The following TANC2 variants were observed in gnomAD, a reference collection of about 807,000 sequenced individuals.
TANC2 encodes tetratricopeptide repeat, ankyrin repeat and coiled-coil containing 2, also known as protein TANC2.
In TANC2, 26 loss-of-function variants were observed where a neutral mutation model predicts 210.5. The ratio of observed to expected loss-of-function variants is 0.12; its 90% CI spans 0.09 to 0.17. TANC2 has a LOEUF of 0.17. Ranked by LOEUF, TANC2 falls within the 10% of genes least tolerant of loss-of-function variation. The probability of loss-of-function intolerance (pLI) is 1.00; values close to 1 mark genes in which losing one functional copy is unlikely to be tolerated. For missense variants in TANC2, 2,129 were observed against 2,608.9 expected (o/e 0.82, Z 4.01); for synonymous variants, 931 against 967.1 (o/e 0.96, Z 0.69).
chr17:63,165,040 G>A (rs962392695), intron 5 of TANC2, among the ~76,000 whole-genome samples: 1 of 152,154 alleles, frequency 6.6e-6, no homozygotes, highest in Non-Finnish European at 1.5e-5. Context: ...CCAACACTTT[G>A]AGAGGCTGAG....
intron 3 of TANC2, among the ~76,000 whole-genome samples, chr17:63,080,589 A>G (rs1196028900): frequency 1.3e-5 from 2 of 152,244 alleles, no homozygotes; most frequent in Non-Finnish European, 2.9e-5. Flanking sequence ...TAGAACTAGT[A>G]TATTAAATTG....
At chr17:63,209,238 C>A (rs1178547772) in intron 7 of TANC2, among the ~76,000 whole-genome samples, 1 of 151,870 alleles carries the variant, frequency 6.6e-6, no homozygotes, top group Non-Finnish European at 1.5e-5. Context: ...GTCTTGAACT[C>A]CTGGGCTCAA....
At chr17:63,192,036 C>G (rs916179085) in intron 5 of TANC2, among the ~76,000 whole-genome samples, 2 of 152,142 alleles carry the variant, frequency 1.3e-5, no homozygotes, top group African/African-American at 4.8e-5. Flanking sequence ...AATTCATCTA[C>G]TAGGCCTTTC....
chr17:63,322,520 T>C (rs936568493), intron 11 of TANC2, among the ~76,000 whole-genome samples: 14 of 152,102 alleles, frequency 9.2e-5, no homozygotes, highest in African/African-American at 3.4e-4. Context: ...CAGACTAATA[T>C]CTATCTTAGA....
chr17:63,006,648 T>C (rs2033636116), intron 1 of TANC2, among the ~76,000 whole-genome samples: 1 of 152,210 alleles, frequency 6.6e-6, no homozygotes, highest in Non-Finnish European at 1.5e-5. Context: ...CAAAATTTAC[T>C]GATACTTTAT....
At chr17:63,137,804 T>C (rs2039142768) in intron 4 of TANC2, among the ~76,000 whole-genome samples, 1 of 152,150 alleles carries the variant, frequency 6.6e-6, no homozygotes, top group Non-Finnish European at 1.5e-5. Context: ...TAAATAAATT[T>C]AGGTTGATCT....
At chr17:62,996,994 T>TTTTTTTTTTTTTTGAG (rs2033144497) in intron 1 of TANC2, among the ~76,000 whole-genome samples, 1 of 143,656 alleles carries the variant, frequency 7.0e-6, no homozygotes, top group African/African-American at 2.7e-5. Flanking sequence ...TTTGTATTTT[T>TTTTTTTTTTTTTTGAG]AGTATAGATG....
intron 9 of TANC2, among the ~76,000 whole-genome samples, chr17:63,296,449 C>A (rs542294879): frequency 6.6e-6 from 1 of 152,276 alleles, no homozygotes; most frequent in East Asian, 1.9e-4. Flanking sequence ...GAGGCAGAAT[C>A]TGATATCCAG....
intron 2 of TANC2, among the ~76,000 whole-genome samples, chr17:63,010,517 G>A (rs530844856): frequency 6.7e-6 from 1 of 149,610 alleles, no homozygotes; most frequent in South Asian, 2.1e-4. Context: ...GACACCAACT[G>A]TATGTCCTAC....
intron 9 of TANC2, among the ~76,000 whole-genome samples, chr17:63,287,228 C>T (rs542935410): frequency 7.9e-5 from 12 of 152,218 alleles, no homozygotes; most frequent in South Asian, 6.2e-4. Flanking sequence ...TCACTGCACC[C>T]GCCCTCATTT....
chr17:63,375,877 C>G (rs1450519619), intron 14 of TANC2, among the ~76,000 whole-genome samples: 1 of 152,020 alleles, frequency 6.6e-6, no homozygotes, highest in Non-Finnish European at 1.5e-5. Flanking sequence ...ATCATGAGAT[C>G]AGGAGTTCAA....
intron 1 of TANC2, among the ~76,000 whole-genome samples, chr17:62,971,303 A>C (rs916254753): frequency 2.0e-5 from 3 of 152,196 alleles, no homozygotes; most frequent in Non-Finnish European, 4.4e-5. Context: ...TTTCCCACTC[A>C]GCAGTCTCCT....
At chr17:63,410,337 TC>T (rs377066407) in intron 21 of TANC2, among the ~76,000 whole-genome samples, 4,846 of 118,074 alleles carry the variant, frequency 0.041, 200 homozygotes, top group African/African-American at 0.12. Flanking sequence ...ATCTCTCCAA[TC>T]CCCCCCCCCC....
intron 5 of TANC2, among the ~76,000 whole-genome samples, chr17:63,193,105 C>T (rs1363319832): frequency 6.6e-6 from 1 of 152,046 alleles, no homozygotes; most frequent in Non-Finnish European, 1.5e-5. Flanking sequence ...TTCATTTTAT[C>T]AAGGAATAAG....
chr17:63,289,067 G>T (rs1010127535), intron 9 of TANC2, among the ~76,000 whole-genome samples: 3 of 152,010 alleles, frequency 2.0e-5, no homozygotes, highest in South Asian at 2.1e-4. Flanking sequence ...TCTTATCTTT[G>T]TTCCTCTATA....
chr17:63,027,363 AAAT>A (rs1307314116), intron 2 of TANC2, among the ~76,000 whole-genome samples: 3 of 152,126 alleles, frequency 2.0e-5, no homozygotes, highest in South Asian at 2.1e-4. Context: ...AAAGGGATTT[AAAT>A]AATGAGTTAA....
rs1189506738 is a variant in TANC2, at chr17:63,104,738, A to C, written c.322+5381A>C. Among the ~76,000 whole-genome samples the C allele has an allele frequency of 2.6e-5, 4 of 152,168 alleles. No homozygotes were observed. The South Asian group carries it at 8.3e-4, about 32-fold the overall frequency. On this transcript the variant is annotated intron_variant, in intron 4 of 27. Transcript: ENST00000689528. ...GAGATAACTCTTACTCGGAAGTGGG[A>C]GAGGGATGACATAAGTTGTGCTGTA...
At chr17:62,989,767 C>CTTTT (rs369502208) in intron 1 of TANC2, among the ~76,000 whole-genome samples, 71 of 109,780 alleles carry the variant, frequency 6.5e-4, no homozygotes, top group African/African-American at 1.1e-3. Flanking sequence ...AAAACACATG[C>CTTTT]TTTTTTTTTT....
At chr17:63,092,356 C>G (rs2037229562) in intron 3 of TANC2, among the ~76,000 whole-genome samples, 2 of 151,866 alleles carry the variant, frequency 1.3e-5, no homozygotes, top group African/African-American at 4.8e-5. Context: ...AGCTGTAGTT[C>G]ATTCTTGTCA....
Sources: gnomAD v4.1 joint callset for allele counts (sites outside exome capture counted in the v4.1 genomes callset) on GRCh38, gnomAD v4.1.1 for gene constraint, MANE v1.5 for transcripts, NCBI Gene and HGNC (gene_info 2026-07-23, HGNC 2026-07-21) for gene names.